Variants in PIAS2 observed in about 807,000 individuals in gnomAD.
The protein encoded by PIAS2 is E3 SUMO-protein ligase PIAS2.
Under a neutral mutation model 69.7 loss-of-function variants are expected in PIAS2, and 19 were observed. That is an observed-to-expected ratio of 0.27 (90% CI 0.19 to 0.40). The LOEUF is 0.40. PIAS2 is among the 10% of genes least tolerant of loss of function. The pLI, the probability that PIAS2 is intolerant of heterozygous loss-of-function variation, is 1.00. For missense variants in PIAS2, 624 were observed against 757.0 expected, an observed-to-expected ratio of 0.82 and a Z score of 2.06; for synonymous variants, 261 against 263.2, an observed-to-expected ratio of 0.99 and a Z score of 0.08.
At chr18:46,890,503 A>C in intron 2 of PIAS2, 77 bp downstream of exon 2, 1 of 883,780 alleles carries the variant, frequency 1.1e-6, no homozygotes, top group Non-Finnish European at 1.8e-6. Context: ...TTAACAGCAC[A>C]TCATTAATCA....
At chr18:46,869,198 C>T (rs966192284) in intron 2 of PIAS2, among the ~76,000 whole-genome samples, 9 of 152,258 alleles carry the variant, frequency 5.9e-5, no homozygotes, top group Admixed American at 2.0e-4. Context: ...CTTAAATTCC[C>T]GTGAGGGAAG....
intron 1 of PIAS2, among the ~76,000 whole-genome samples, chr18:46,913,812 G>A (rs1599144790): frequency 6.6e-6 from 1 of 152,192 alleles, no homozygotes; most frequent in African/African-American, 2.4e-5. Context: ...CTCTTCTACA[G>A]ACTAGTTTGA....
Position 46,812,341 on chromosome 18 carries a change from T to TTA in PIAS2, c.*91_*92insTA. 1 of 575,922 alleles carries TTA rather than the reference T, an allele frequency of 1.7e-6. No homozygotes were observed. 35.7% of individuals were successfully genotyped at this position (575,922 alleles called of 1,614,324 possible). On this transcript the variant is annotated 3_prime_UTR_variant, in exon 14 of 14. Coordinates refer to ENST00000585916, the MANE Select transcript of PIAS2 (RefSeq NM_004671.5). ...TGACTTTCAATAAATACCAAATTAT[T>TTA]AAAAAAAAAAAAAAAAGAACGTTTC...
chr18:46,838,361 A>G (rs2044765606), intron 8 of PIAS2, among the ~76,000 whole-genome samples: 1 of 152,236 alleles, frequency 6.6e-6, no homozygotes, highest in Non-Finnish European at 1.5e-5. Flanking sequence ...AAACTAAGGC[A>G]CAAAGAAGCT....
upstream of PIAS2, among the ~76,000 whole-genome samples, chr18:46,919,005 ATATGTGTG>A (rs1382012455): frequency 7.5e-5 from 11 of 147,180 alleles, no homozygotes; most frequent in African/African-American, 2.9e-4. Flanking sequence ...GTATATATAT[ATATGTGTG>A]TGTGTGTGTG....
intron 11 of PIAS2, among the ~76,000 whole-genome samples, chr18:46,823,183 T>A (rs1258462758): frequency 6.6e-6 from 1 of 151,224 alleles, no homozygotes; most frequent in African/African-American, 2.4e-5. Context: ...CAGTGAGCCA[T>A]GAATGCTCCA....
chr18:46,821,008 T>G lies in PIAS2; in HGVS notation c.1573A>C (p.Ile525Leu), dbSNP rs757920479. 33 of 1,613,454 alleles carry G rather than the reference T, an allele frequency of 2.0e-5. No homozygotes were observed. The East Asian group carries it at 5.8e-4, about 28-fold the overall frequency. Reference sequence around the variant, plus strand: ...GAGTAGTCTGTTAATGAAGGCGGAATAGCAGCAGGATCAACCGAAGTCACA... The same window carrying G: ...GAGTAGTCTGTTAATGAAGGCGGAAGAGCAGCAGGATCAACCGAAGTCACA... ...PSVTSVDPAA[I>L]PPSLTDYSVP... Residue 525 changes from isoleucine (I) to leucine (L), a missense_variant, in exon 12 of 14, where the codon ATT (isoleucine) becomes CTT (leucine). Physicochemically the swap from Ile to Leu is conservative, Grantham distance 5 (BLOSUM62 2). This residue lies in a region of PIAS2 where 241 missense variants were observed against 257.3 expected (regional missense o/e 0.94). Coordinates refer to ENST00000585916, the MANE Select transcript of PIAS2 (RefSeq NM_004671.5).
intron 12 of PIAS2, chr18:46,818,273 C>A (rs1029261806): frequency 7.6e-7 from 1 of 1,309,766 alleles, no homozygotes. Context: ...GAGCACCATT[C>A]GCACCTGACA....
chr18:46,910,673 C>T (rs1054224834), intron 1 of PIAS2, among the ~76,000 whole-genome samples: 1 of 152,002 alleles, frequency 6.6e-6, no homozygotes, highest in Admixed American at 6.6e-5. Context: ...TCAAAGAAAC[C>T]TTTCAGAATG....
chr18:46,894,399 G>C (rs909921336), intron 1 of PIAS2, among the ~76,000 whole-genome samples: 7 of 152,046 alleles, frequency 4.6e-5, no homozygotes, highest in Admixed American at 1.3e-4. Context: ...ACCAAGAATG[G>C]ATTTCAGTTG....
At chr18:46,817,384 T>C in intron 12 of PIAS2, 1 of 966,328 alleles carries the variant, frequency 1.0e-6, no homozygotes, top group Non-Finnish European at 1.2e-6. Context: ...AGTTTGAAAA[T>C]TATATCAAGC....
intron 9 of PIAS2, among the ~76,000 whole-genome samples, chr18:46,833,267 G>C (rs188813089): frequency 1.3e-5 from 2 of 152,270 alleles, no homozygotes; most frequent in South Asian, 4.2e-4. Flanking sequence ...CAAGTATGTT[G>C]AGTAAAAGAA....
chr18:46,897,333 T>A (rs2055050007), intron 1 of PIAS2, among the ~76,000 whole-genome samples: 1 of 152,128 alleles, frequency 6.6e-6, no homozygotes, highest in African/African-American at 2.4e-5. Flanking sequence ...CTATAACATT[T>A]TATCGCACCA....
intron 5 of PIAS2, among the ~76,000 whole-genome samples, chr18:46,852,073 A>AT (rs1241877147): frequency 2.0e-5 from 3 of 152,180 alleles, no homozygotes; most frequent in Non-Finnish European, 4.4e-5. Context: ...AGAGCTCACT[A>AT]TAACTCCTAT....
intron 2 of PIAS2, among the ~76,000 whole-genome samples, chr18:46,865,964 A>ATGACCTCT (rs1197660357): frequency 6.6e-6 from 1 of 152,204 alleles, no homozygotes; most frequent in Non-Finnish European, 1.5e-5. Flanking sequence ...AAGGTCACCA[A>ATGACCTCT]TGACCTCTTA....
intron 2 of PIAS2, among the ~76,000 whole-genome samples, chr18:46,872,207 A>G (rs1217772613): frequency 2.0e-5 from 3 of 152,186 alleles, no homozygotes; most frequent in African/African-American, 4.8e-5. Flanking sequence ...GCTATTAACT[A>G]AACAGTCCAG....
intron 5 of PIAS2, among the ~76,000 whole-genome samples, chr18:46,850,084 T>G (rs567749587): frequency 6.6e-6 from 1 of 152,304 alleles, no homozygotes; most frequent in South Asian, 2.1e-4. Context: ...TGTTATCCTT[T>G]TATTGTTGAA....
chr18:46,866,823 TC>T (rs1396078806), intron 2 of PIAS2, among the ~76,000 whole-genome samples: 2 of 152,030 alleles, frequency 1.3e-5, no homozygotes, highest in Non-Finnish European at 2.9e-5. Context: ...AACCTAAATC[TC>T]CCTAAAGACC....
At chr18:46,844,022 A>G in intron 8 of PIAS2, 32 bp downstream of exon 8, 2 of 1,313,320 alleles carry the variant, frequency 1.5e-6, no homozygotes, top group Non-Finnish European at 2.1e-6. Context: ...TAAAAAGTCA[A>G]ATTCCCCAAA....
Sources: allele counts gnomAD v4.1 joint callset (sites outside exome capture counted in the v4.1 genomes callset), GRCh38; gene constraint gnomAD v4.1.1; regional missense constraint gnomAD v4.1.1; transcripts MANE v1.5; gene names NCBI Gene and HGNC (gene_info 2026-07-23, HGNC 2026-07-21).